Variants in ERP44 observed in about 807,000 individuals in gnomAD.
ERP44 encodes the protein endoplasmic reticulum protein 44.
A neutral mutation model predicts 53.4 loss-of-function variants in ERP44; 25 were observed. That is an observed-to-expected ratio of 0.47 (90% CI 0.34 to 0.65). The LOEUF is 0.65. Among genes scored for constraint, ERP44 ranks in the 30% least tolerant of loss-of-function variants. The pLI is 0.01. For synonymous variants in ERP44, 145 were observed against 161.2 expected, an observed-to-expected ratio of 0.90 and a Z score of 0.76; for missense variants, 338 against 493.2, an observed-to-expected ratio of 0.69 and a Z score of 2.98.
At chr9:100,018,350 C>A in intron 6 of ERP44, 37 bp from the exon 7 acceptor site, 1 of 1,264,928 alleles carries the variant, frequency 7.9e-7, no homozygotes. Context: ...ACCTGAATGA[C>A]AGAATTTTGC....
chr9:99,989,906 G>A (rs1282629521), intron 10 of ERP44, among the ~76,000 whole-genome samples: 2 of 152,188 alleles, frequency 1.3e-5, no homozygotes, highest in Non-Finnish European at 2.9e-5. Context: ...ATTCGATCCA[G>A]TGGAAGAAAG....
At chr9:100,016,768 C>T (rs1461308163) in intron 7 of ERP44, among the ~76,000 whole-genome samples, 2 of 152,128 alleles carry the variant, frequency 1.3e-5, no homozygotes, top group Non-Finnish European at 1.5e-5. Context: ...ACTGGTAATA[C>T]AAAAGAAACA....
intron 10 of ERP44, among the ~76,000 whole-genome samples, chr9:99,994,656 A>T (rs79659890): frequency 1.3e-5 from 2 of 149,672 alleles, no homozygotes; most frequent in South Asian, 2.1e-4. Context: ...AAGTACAATT[A>T]AAAAAAAAAT....
intron 1 of ERP44, among the ~76,000 whole-genome samples, chr9:100,085,547 A>G (rs534826880): frequency 6.6e-6 from 1 of 152,342 alleles, no homozygotes; most frequent in Non-Finnish European, 1.5e-5. Flanking sequence ...TATGATAACT[A>G]TGGTGTACGT....
At chr9:99,983,279 A>G (rs891925731) in intron 11 of ERP44, among the ~76,000 whole-genome samples, 1 of 152,228 alleles carries the variant, frequency 6.6e-6, no homozygotes, top group Non-Finnish European at 1.5e-5. Flanking sequence ...AGAATTTTAA[A>G]GAAAAGGCAT....
At position 100,054,778 on chromosome 9, in the gene ERP44, G is replaced by C. The variant is rs551361879; in HGVS notation, c.171-2246C>G. Among the ~76,000 whole-genome samples the C allele has an allele frequency of 1.4e-4, 22 of 152,188 alleles. No individual in the cohort carries two copies. The South Asian group carries it at 4.4e-3, about 30-fold the overall frequency. On this transcript the variant is annotated intron_variant, in intron 3 of 11. Coordinates refer to ENST00000262455, the MANE Select transcript of ERP44 (RefSeq NM_015051.3). The stretch of plus-strand genomic sequence containing the variant: ...CTCAACCTGTACCAAAAGACGAAAA[G>C]GGAAAATGAAATAAAAGTTCAATTC...
rs1236399765 is a variant in ERP44 at position 99,981,431 on chromosome 9, GGATT to G, written c.*1177_*1180del. The G allele has an allele frequency of 4.6e-5, 7 of 152,562 alleles. No homozygotes were observed. The East Asian group carries it at 9.7e-4, about 21-fold the overall frequency. The allele number at this position is 152,562 out of a possible 1,614,324, so 9.5% of individuals were successfully genotyped here. A position where few individuals can be genotyped will look rare whatever the true frequency, so the allele number is the denominator to read the frequency against. Reference sequence around the variant, plus strand: ...TTAAAAATAATCTTTTCCCAAACTGGGATTGATTTATACCCAAGTATAAAATGAC... The same window carrying G: ...TTAAAAATAATCTTTTCCCAAACTGGGATTTATACCCAAGTATAAAATGAC... On this transcript the variant is annotated 3_prime_UTR_variant, in exon 12 of 12. Transcript: ENST00000262455.
At chr9:100,022,793 AATACTAAAAAT>A (rs777923415) in intron 4 of ERP44, among the ~76,000 whole-genome samples, 1 of 152,210 alleles carries the variant, frequency 6.6e-6, no homozygotes, top group Non-Finnish European at 1.5e-5. Context: ...GGCAATCAAA[AATACTAAAAAT>A]ATATTAGAGG....
At chr9:100,012,822 C>T (rs1564089552) in intron 8 of ERP44, among the ~76,000 whole-genome samples, 1 of 152,046 alleles carries the variant, frequency 6.6e-6, no homozygotes, top group Non-Finnish European at 1.5e-5. Flanking sequence ...GCTAAAAATC[C>T]TGGACATTAT....
At chr9:100,079,646 T>A (rs989409111) in intron 1 of ERP44, among the ~76,000 whole-genome samples, 2 of 152,066 alleles carry the variant, frequency 1.3e-5, no homozygotes, top group Non-Finnish European at 2.9e-5. Context: ...AAAAGAGCAC[T>A]GGAAAATAGA....
rs1314554442 is a variant in ERP44, at chr9:100,012,179, T to TTGTGTA, written c.762+4142_762+4143insTACACA. ...AAAAGGCTTGTGTTAGAATTTTCAC[T>TTGTGTA]CAAAAGTCTTCTATAATTCAAAATT... On this transcript the variant is annotated intron_variant, in intron 8 of 11. Transcript: ENST00000262455. Among the ~76,000 whole-genome samples, 8 of 152,314 alleles carry TTGTGTA rather than the reference T, an allele frequency of 5.3e-5. No individual in the cohort carries two copies. The East Asian group carries it at 1.3e-3, about 26-fold the overall frequency.
chr9:100,067,972 G>A (rs1370098783), intron 1 of ERP44, among the ~76,000 whole-genome samples: 1 of 151,442 alleles, frequency 6.6e-6, no homozygotes, highest in Admixed American at 6.6e-5. Flanking sequence ...CACCCCGTCC[G>A]GGAGGGAGGT....
At chr9:99,983,119 T>C (rs1830164630) in intron 11 of ERP44, among the ~76,000 whole-genome samples, 1 of 152,202 alleles carries the variant, frequency 6.6e-6, no homozygotes, top group Non-Finnish European at 1.5e-5. Flanking sequence ...TTATCTTAGT[T>C]ATCAATTACC....
chr9:100,073,338 T>A (rs1178239745), intron 1 of ERP44, among the ~76,000 whole-genome samples: 1 of 152,236 alleles, frequency 6.6e-6, no homozygotes, highest in Non-Finnish European at 1.5e-5. Flanking sequence ...AGCTTGCTTT[T>A]ATAACTGTTA....
intron 10 of ERP44, among the ~76,000 whole-genome samples, chr9:99,990,446 T>A (rs1214278889): frequency 2.0e-5 from 3 of 152,104 alleles, no homozygotes; most frequent in Admixed American, 1.3e-4. Context: ...ATAAAATCCT[T>A]TACAGACAAG....
chr9:100,001,005 T>C (rs573095597), intron 10 of ERP44, among the ~76,000 whole-genome samples: 6 of 152,288 alleles, frequency 3.9e-5, no homozygotes, highest in African/African-American at 1.2e-4. Context: ...CCTAAAACTA[T>C]TTTTGCTGCT....
At chr9:100,027,770 T>C (rs979828225) in intron 4 of ERP44, among the ~76,000 whole-genome samples, 2 of 152,174 alleles carry the variant, frequency 1.3e-5, no homozygotes, top group African/African-American at 4.8e-5. Context: ...CTCCCTGCAA[T>C]GGTTATCCAT....
chr9:100,042,196 T>G (rs966200240), intron 4 of ERP44, among the ~76,000 whole-genome samples: 49 of 151,940 alleles, frequency 3.2e-4, no homozygotes, highest in African/African-American at 1.2e-3. Flanking sequence ...TATAGGGAAC[T>G]CAAACAACTC....
intron 10 of ERP44, among the ~76,000 whole-genome samples, chr9:99,994,888 A>G (rs1263100143): frequency 6.6e-6 from 1 of 152,250 alleles, no homozygotes; most frequent in African/African-American, 2.4e-5. Flanking sequence ...GTCTATATCT[A>G]CAATGAATCT....
Sources: gnomAD v4.1 joint callset for allele counts (sites outside exome capture counted in the v4.1 genomes callset) on GRCh38, gnomAD v4.1.1 for gene constraint, MANE v1.5 for transcripts, NCBI Gene and HGNC (gene_info 2026-07-23, HGNC 2026-07-21) for gene names.